The following DPP6 variants were observed in gnomAD, a reference collection of about 807,000 sequenced individuals.
The protein encoded by DPP6 is dipeptidyl peptidase like 6, also known as A-type potassium channel modulatory protein DPP6.
DPP6 carries 69 observed loss-of-function variants against 122.6 expected under a neutral mutation model. The ratio of observed to expected loss-of-function variants is 0.56; its 90% CI spans 0.46 to 0.69. DPP6 has a LOEUF of 0.69. Among genes scored for constraint, DPP6 ranks in the 30% least tolerant of loss-of-function variants. The pLI, the probability that DPP6 is intolerant of heterozygous loss-of-function variation, is 0.00. For synonymous variants in DPP6, 418 were observed against 433.1 expected (o/e 0.97, Z 0.43); for missense variants, 928 against 1,116.9 (o/e 0.83, Z 2.41).
chr7:154,692,101 T>C (rs530690403), intron 7 of DPP6, among the ~76,000 whole-genome samples: 7 of 152,288 alleles, frequency 4.6e-5, no homozygotes, highest in African/African-American at 1.7e-4. Flanking sequence ...CAATAACTTA[T>C]AGGCAGCATT....
chr7:154,313,958 A>C (rs1391058617), intron 1 of DPP6, among the ~76,000 whole-genome samples: 5 of 151,562 alleles, frequency 3.3e-5, no homozygotes, highest in Admixed American at 3.3e-4. Context: ...CAATAAGAGA[A>C]CTTTGGCAGG....
the DPP6 span, among the ~76,000 whole-genome samples, chr7:153,750,525 C>T: frequency 1.5e-5 from 2 of 130,870 alleles, no homozygotes; most frequent in African/African-American, 2.9e-5. Context: ...TAGAGTATTG[C>T]CACCAATAAA....
intron 1 of DPP6, among the ~76,000 whole-genome samples, chr7:154,183,440 G>A (rs1798194851): frequency 6.6e-6 from 1 of 152,206 alleles, no homozygotes; most frequent in Non-Finnish European, 1.5e-5. Context: ...AGGTCTGCAT[G>A]TGAACTAAAC....
At chr7:154,308,314 T>TA (rs5888568) in intron 1 of DPP6, among the ~76,000 whole-genome samples, 77,509 of 151,248 alleles carry the variant, frequency 0.51, 20,374 homozygotes, top group African/African-American at 0.61. Flanking sequence ...CCGTGTTTGC[T>TA]AAAAAAAATG....
chr7:154,719,563 G>T (rs529211383), intron 7 of DPP6, among the ~76,000 whole-genome samples: 139 of 152,258 alleles, frequency 9.1e-4, no homozygotes, highest in South Asian at 6.8e-3. Context: ...TGAGGAATTT[G>T]CCCACTGCCC....
chr7:154,822,055 C>T (rs1255361981), intron 16 of DPP6, among the ~76,000 whole-genome samples: 1 of 152,100 alleles, frequency 6.6e-6, no homozygotes, highest in Non-Finnish European at 1.5e-5. Context: ...ACCTCATAAA[C>T]TTTCTCTGGT....
intron 7 of DPP6, among the ~76,000 whole-genome samples, chr7:154,696,400 C>T (rs1039698942): frequency 1.3e-5 from 2 of 152,146 alleles, no homozygotes; most frequent in East Asian, 1.9e-4. Flanking sequence ...CAAGTTTACC[C>T]GGGAGTCCAG....
chr7:154,288,934 GAC>G (rs1805025232), intron 1 of DPP6, among the ~76,000 whole-genome samples: 1 of 152,222 alleles, frequency 6.6e-6, no homozygotes, highest in East Asian at 1.9e-4. Flanking sequence ...TAAAATGCCA[GAC>G]TCTGCCATCC....
At chr7:153,935,339 T>TA (rs1321530116) in intron 1 of DPP6, among the ~76,000 whole-genome samples, 1 of 152,046 alleles carries the variant, frequency 6.6e-6, no homozygotes, top group Non-Finnish European at 1.5e-5. Flanking sequence ...CCTCTAACCC[T>TA]AGCGTTAGTC....
At chr7:154,420,163 C>A (rs1339261070) in intron 1 of DPP6, among the ~76,000 whole-genome samples, 2 of 152,148 alleles carry the variant, frequency 1.3e-5, no homozygotes, top group Admixed American at 6.5e-5. Context: ...ATGGTGAAAC[C>A]CTGTCTCTAC....
intron 21 of DPP6, chr7:154,884,332 TTACA>T (rs761219469): frequency 1.5e-5 from 2 of 130,140 alleles, no homozygotes; most frequent in Non-Finnish European, 3.2e-5. Context: ...GCTCACACAA[TTACA>T]TACGCCTACT....
intron 1 of DPP6, among the ~76,000 whole-genome samples, chr7:154,278,132 G>T (rs893352453): frequency 1.3e-5 from 2 of 152,158 alleles, no homozygotes; most frequent in Non-Finnish European, 2.9e-5. Flanking sequence ...CTGTTCTGTG[G>T]ACCTGGGAGG....
chr7:154,836,072 G>T (rs539740610), intron 16 of DPP6, among the ~76,000 whole-genome samples: 12 of 152,284 alleles, frequency 7.9e-5, no homozygotes, highest in South Asian at 6.2e-4. Flanking sequence ...CAAACCTTCC[G>T]CTCATTTCTG....
chr7:154,613,823 T>G lies in DPP6; in HGVS notation c.628-23998T>G, dbSNP rs573594515. On this transcript the variant is annotated intron_variant, in intron 5 of 25. Transcript: ENST00000377770. ...ATTATTCCCAAAATTGGGCCACCCA[T>G]TCCCCAAACGTCCTACCTTCATTCT... 3.3e-5 allele frequency among the ~76,000 whole-genome samples: 5 copies of G among 152,162 alleles called. No homozygotes were observed. The East Asian group carries it at 9.7e-4, about 29-fold the overall frequency.
At chr7:153,762,792 TAATA>T in the DPP6 span, among the ~76,000 whole-genome samples, 1 of 151,714 alleles carries the variant, frequency 6.6e-6, no homozygotes, top group East Asian at 1.9e-4. Context: ...AAAAAAATAA[TAATA>T]AAATAAAATA....
chr7:154,822,477 A>T (rs2150500479), intron 16 of DPP6, among the ~76,000 whole-genome samples: 1 of 152,108 alleles, frequency 6.6e-6, no homozygotes, highest in East Asian at 1.9e-4. Context: ...ACCCCCTAAC[A>T]CTGTCACCTT....
At chr7:154,344,661 G>A (rs1432823644) in intron 1 of DPP6, among the ~76,000 whole-genome samples, 1 of 152,180 alleles carries the variant, frequency 6.6e-6, no homozygotes, top group African/African-American at 2.4e-5. Flanking sequence ...AGGGGCTGTG[G>A]AAGCTTGTAC....
At chr7:154,558,822 T>C (rs977175045) in intron 4 of DPP6, among the ~76,000 whole-genome samples, 18 of 152,250 alleles carry the variant, frequency 1.2e-4, no homozygotes, top group Admixed American at 7.2e-4. Flanking sequence ...GCATGACTAA[T>C]GGCCACTATG....
At chr7:154,858,804 C>T (rs1221893147) in intron 17 of DPP6, among the ~76,000 whole-genome samples, 1 of 152,166 alleles carries the variant, frequency 6.6e-6, no homozygotes, top group Admixed American at 6.5e-5. Context: ...AATGGCAGCC[C>T]CTTAGCCCCC....
Sources: gnomAD v4.1 joint callset for allele counts (sites outside exome capture counted in the v4.1 genomes callset) on GRCh38, gnomAD v4.1.1 for gene constraint, MANE v1.5 for transcripts, NCBI Gene and HGNC (gene_info 2026-07-23, HGNC 2026-07-21) for gene names.